Variants in HSD17B4 observed in about 807,000 individuals in gnomAD.
The protein encoded by HSD17B4 is hydroxysteroid 17-beta dehydrogenase 4, also known as peroxisomal multifunctional enzyme type 2.
Under a neutral mutation model 101.0 loss-of-function variants are expected in HSD17B4, and 70 were observed. The ratio of observed to expected loss-of-function variants is 0.69; its 90% confidence interval spans 0.57 to 0.85. The LOEUF (loss-of-function observed/expected upper bound fraction) is 0.85. Among genes scored for constraint, HSD17B4 ranks in the 40% least tolerant of loss-of-function variants. The pLI, the probability that HSD17B4 is intolerant of heterozygous loss-of-function variation, is 0.00. For missense variants in HSD17B4, 984 were observed against 892.4 expected (o/e 1.10, Z -1.31); for synonymous variants, 347 against 297.1 (o/e 1.17, Z -1.73).
At chr5:119,482,309 T>A (rs1749213297) in intron 8 of HSD17B4, among the ~76,000 whole-genome samples, 2 of 152,146 alleles carry the variant, frequency 1.3e-5, no homozygotes, top group South Asian at 2.1e-4. Context: ...TCTTTTAATT[T>A]TTTTTAGAGT....
intron 17 of HSD17B4, 30 bp from the exon 18 acceptor site, chr5:119,525,186 G>GT (rs1372347291): frequency 6.6e-7 from 1 of 1,511,604 alleles, no homozygotes; most frequent in Admixed American, 1.7e-5. Flanking sequence ...AAAACACTGA[G>GT]TTCTAGTTAT....
rs529526939 is a variant in HSD17B4 at position 119,456,550 on chromosome 5, C to G, written c.112+182C>G. ...TGTCTAAATTACTTTTAAAAGGGAA[C>G]CAGTTTCACAGAATTCCCAGCTTAA... is the stretch of plus-strand genomic sequence containing the variant. On this transcript the variant is annotated intron_variant, in intron 2 of 23. Coordinates refer to ENST00000510025, the MANE Select transcript of HSD17B4 (RefSeq NM_000414.4). 5.0e-5 allele frequency: 30 copies of G among 599,778 alleles called. No homozygotes were observed. In the South Asian group the frequency reaches 5.6e-4, roughly 11 times the overall value. The allele number at this position is 599,778 out of a possible 1,614,324, so 37.2% of individuals were successfully genotyped here. A position where few individuals can be genotyped will look rare whatever the true frequency, so the allele number is the denominator to read the frequency against.
intron 2 of HSD17B4, among the ~76,000 whole-genome samples, chr5:119,463,600 C>T (rs186852258): frequency 1.0e-3 from 144 of 141,940 alleles, no homozygotes; most frequent in Middle Eastern, 7.6e-3. Context: ...TTGCATTTTC[C>T]TCATGATTAG....
chr5:119,521,894 G>A (rs1218404601), intron 17 of HSD17B4, among the ~76,000 whole-genome samples: 1 of 149,152 alleles, frequency 6.7e-6, no homozygotes, highest in African/African-American at 2.5e-5. Flanking sequence ...TTACTAAAAG[G>A]TTTTGTTTTG....
At chr5:119,512,217 A>G (rs1462477849) in intron 16 of HSD17B4, among the ~76,000 whole-genome samples, 1 of 152,200 alleles carries the variant, frequency 6.6e-6, no homozygotes, top group Non-Finnish European at 1.5e-5. Flanking sequence ...CCTTAGAGAA[A>G]GATGGAGTAT....
At chr5:119,461,447 A>G (rs1755226916) in intron 2 of HSD17B4, among the ~76,000 whole-genome samples, 1 of 152,208 alleles carries the variant, frequency 6.6e-6, no homozygotes, top group Admixed American at 6.5e-5. Context: ...ATGTTGTGAG[A>G]ATGTGGGGTA....
intron 17 of HSD17B4, among the ~76,000 whole-genome samples, chr5:119,516,022 A>T (rs895982944): frequency 6.6e-6 from 1 of 152,104 alleles, no homozygotes; most frequent in Non-Finnish European, 1.5e-5. Context: ...AAGTTAAAAA[A>T]TTTTTTTTGG....
At position 119,499,452 on chromosome 5, in the gene HSD17B4, G is replaced by A. The variant is rs773950921; in HGVS notation, c.1108G>A (p.Asp370Asn). Residue 370 changes from aspartate to asparagine, a missense_variant, in exon 13 of 24, where the codon GAT (aspartate) becomes AAT (asparagine). By Grantham distance (23) the Asp-to-Asn change is conservative. Coordinates refer to ENST00000510025, the MANE Select transcript of HSD17B4 (RefSeq NM_000414.4). ...GAAATTTATTTATGAAGGAAGTTCT[G>A]ATTTCTCCTGTTTGCCCACCTTCGG... ...DLKFIYEGSS[D>N]FSCLPTFGVI... 12 of 1,613,608 alleles carry A rather than the reference G, an allele frequency of 7.4e-6. No homozygotes were observed. Among genetic ancestry groups the A allele is most frequent in the Non-Finnish European group, 9.3e-6 (11 of 1,179,716 alleles).
chr5:119,508,123 C>A (rs1482142332), intron 15 of HSD17B4, among the ~76,000 whole-genome samples: 2 of 151,400 alleles, frequency 1.3e-5, no homozygotes, highest in African/African-American at 2.4e-5. Flanking sequence ...CCTTTCTCTT[C>A]TCTTTTTAGG....
chr5:119,469,037 C>A (rs1756093665), intron 2 of HSD17B4, among the ~76,000 whole-genome samples: 1 of 151,312 alleles, frequency 6.6e-6, no homozygotes, highest in Non-Finnish European at 1.5e-5. Context: ...ACTCAGTCAT[C>A]ACACTTTATT....
In HSD17B4 at chr5:119,502,497, A is replaced by AT. The variant is rs1414893327; in HGVS notation, c.1261+412dup. On this transcript the variant is annotated intron_variant, in intron 14 of 23. Transcript: ENST00000510025. ...AAAGATACAGAATTTCTTGTAATTC[A>AT]TTTTTTTCTTTTTTTTTGGAGAAAA... Among the ~76,000 whole-genome samples the AT allele has an allele frequency of 2.8e-5, 4 of 143,644 alleles. No individual in the cohort carries two copies. The South Asian group carries it at 6.7e-4, about 24-fold the overall frequency. The allele number at this position is 143,644 out of a possible 152,430, so 94.2% of individuals were successfully genotyped here.
intron 13 of HSD17B4, among the ~76,000 whole-genome samples, chr5:119,501,192 G>A (rs1751128879): frequency 6.6e-6 from 1 of 152,008 alleles, no homozygotes; most frequent in African/African-American, 2.4e-5. Flanking sequence ...ATCGTAAATG[G>A]TGTTCATGCA....
chr5:119,471,573 C>A, intron 2 of HSD17B4: 1 of 643,326 alleles, frequency 1.6e-6, no homozygotes, highest in Non-Finnish European at 2.3e-6. Flanking sequence ...TTAATCATAA[C>A]TATTACATTT....
chr5:119,496,063 A>G (rs1047496937), intron 11 of HSD17B4, among the ~76,000 whole-genome samples: 2 of 152,158 alleles, frequency 1.3e-5, no homozygotes, highest in Non-Finnish European at 2.9e-5. Context: ...TTTCTCTGGA[A>G]GAATTTTTGG....
intron 14 of HSD17B4, among the ~76,000 whole-genome samples, chr5:119,502,454 A>G (rs767555839): frequency 6.6e-6 from 1 of 152,084 alleles, no homozygotes; most frequent in Non-Finnish European, 1.5e-5. Flanking sequence ...ACTGATTTTC[A>G]TAAAGCAAAC....
intron 4 of HSD17B4, 41 bp from the exon 5 acceptor site, chr5:119,475,665 T>G: frequency 6.7e-7 from 1 of 1,501,300 alleles, no homozygotes; most frequent in South Asian, 1.1e-5. Flanking sequence ...CAAACTAATA[T>G]GCTTGCTTTT....
rs1554069007 is a variant in HSD17B4 at position 119,531,568 on chromosome 5, G to GTGTGT, written c.1993+164_1993+165insTGTGT. Among the ~76,000 whole-genome samples the GTGTGT allele has an allele frequency of 0.038, 4,458 of 116,482 alleles. 447 individuals are homozygous for GTGTGT. The East Asian group carries it at 0.49, about 13-fold the overall frequency. 76.4% of individuals were successfully genotyped at this position (116,482 alleles called of 152,430 possible). ...ATAGGTTTGGGAATGTCCAAAGGGGGGTGTGTGTGTGTGTGTGTGTGTGTG... is the reference window on the plus strand; with the variant it reads ...ATAGGTTTGGGAATGTCCAAAGGGGGTGTGTGTGTGTGTGTGTGTGTGTGTGTGTG... On this transcript the variant is annotated intron_variant, in intron 22 of 23. Coordinates refer to ENST00000510025, the MANE Select transcript of HSD17B4 (RefSeq NM_000414.4).
At chr5:119,478,763 A>G in intron 7 of HSD17B4, 71 bp from the exon 8 acceptor site, 1 of 1,335,090 alleles carries the variant, frequency 7.5e-7, no homozygotes. Flanking sequence ...AGTAGTACCA[A>G]AACAGAGTTA....
chr5:119,464,318 C>T (rs1003186492), intron 2 of HSD17B4, among the ~76,000 whole-genome samples: 4 of 151,994 alleles, frequency 2.6e-5, no homozygotes, highest in Admixed American at 6.6e-5. Flanking sequence ...TTCATAGTTT[C>T]AGGTCTTATG....
Sources: gnomAD v4.1 joint callset for allele counts (sites outside exome capture counted in the v4.1 genomes callset) on GRCh38, gnomAD v4.1.1 for gene constraint, MANE v1.5 for transcripts, NCBI Gene and HGNC (gene_info 2026-07-23, HGNC 2026-07-21) for gene names.